GALNT18: variants seen among roughly 807,000 people sequenced by gnomAD.
GALNT18 encodes polypeptide N-acetylgalactosaminyltransferase 18.
GALNT18 carries 44 observed loss-of-function variants against 69.5 expected under a neutral mutation model. That is an observed-to-expected ratio of 0.63 (90% CI 0.50 to 0.81). The LOEUF (loss-of-function observed/expected upper bound fraction) is 0.81, where lower values mean the gene tolerates loss of function less well. GALNT18 is among the 40% of genes least tolerant of loss of function. The pLI, the probability that GALNT18 is intolerant of heterozygous loss-of-function variation, is 0.00. For synonymous variants in GALNT18, 364 were observed against 318.2 expected (o/e 1.14, Z -1.53); for missense variants, 715 against 810.0 (o/e 0.88, Z 1.42).
rs1040244980 is a variant in GALNT18, at chr11:11,582,171, C to T, written c.235+39188G>A. 6.6e-6 allele frequency among the ~76,000 whole-genome samples: 1 copy of T among 152,052 alleles called. No individual in the cohort carries two copies. The highest frequency in any genetic ancestry group is 2.1e-4 in the South Asian group (1 of 4,796). Reference sequence around the variant, plus strand: ...CTGAACAAAGTGAAGAGGGCATTCCCGAAAGAGGAAAGAGCAGGCAAAGGC... The same window carrying T: ...CTGAACAAAGTGAAGAGGGCATTCCTGAAAGAGGAAAGAGCAGGCAAAGGC... On this transcript the variant is annotated intron_variant, in intron 1 of 10. Coordinates refer to ENST00000227756, the MANE Select transcript of GALNT18 (RefSeq NM_198516.3). The surrounding 1 kb of genome is among the most constrained non-coding windows in gnomAD (Gnocchi z 5.0).
At position 11,310,746 on chromosome 11, in the gene GALNT18, G is replaced by A. The variant is rs141275274; in HGVS notation, c.1512+16340C>T. ...ACTCCACCAAAGCTCTACCCGGGCA[G>A]GGCTAATGCAGAGCAACAAACCGAT... On this transcript the variant is annotated intron_variant, in intron 9 of 10. Coordinates refer to ENST00000227756, the MANE Select transcript of GALNT18 (RefSeq NM_198516.3). Among the ~76,000 whole-genome samples the A allele has an allele frequency of 2.6e-3, 394 of 152,298 alleles. 5 individuals are homozygous for A. Among genetic ancestry groups the A allele is most frequent in the African/African-American group, 9.1e-3 (377 of 41,556 alleles).
intron 1 of GALNT18, among the ~76,000 whole-genome samples, chr11:11,547,520 CACAA>C (rs1858086484): frequency 6.6e-6 from 1 of 152,220 alleles, no homozygotes; most frequent in Non-Finnish European, 1.5e-5. Context: ...CGTCCCTCCC[CACAA>C]ACAAAGGAAG....
In GALNT18 at chr11:11,613,849, C is replaced by T. The variant is rs1859975246; in HGVS notation, c.235+7510G>A. Among the ~76,000 whole-genome samples the T allele has an allele frequency of 3.3e-5, 5 of 152,216 alleles. No homozygotes were observed. On this transcript the variant is annotated intron_variant, in intron 1 of 10. Transcript: ENST00000227756. This position sits in a 1 kb window ranked among gnomAD's most constrained non-coding sequence, Gnocchi z 4.2. ...CTTGAGTGTCATCCAACTTGTATGG[C>T]TTCTGCCCTTCCGCTTCATGCATAA...
chr11:11,314,157 C>G lies in GALNT18; in HGVS notation c.1512+12929G>C, dbSNP rs1203598095. On this transcript the variant is annotated intron_variant, in intron 9 of 10. Coordinates refer to ENST00000227756, the MANE Select transcript of GALNT18 (RefSeq NM_198516.3). This position sits in a 1 kb window ranked among gnomAD's most constrained non-coding sequence, Gnocchi z 5.2. ...CCCAAGGCCAGAGAGGCCTGGGAAGCAAGACTGTCCAAAGAACGGTGGGTG... is the reference window on the plus strand; with the variant it reads ...CCCAAGGCCAGAGAGGCCTGGGAAGGAAGACTGTCCAAAGAACGGTGGGTG... Among the ~76,000 whole-genome samples, 1 of 152,138 alleles carries G rather than the reference C, an allele frequency of 6.6e-6. No individual in the cohort carries two copies. Among genetic ancestry groups the G allele is most frequent in the Non-Finnish European group, 1.5e-5 (1 of 68,026 alleles).
At chr11:11,554,530 T>C (rs190985096) in intron 1 of GALNT18, among the ~76,000 whole-genome samples, 1 of 152,340 alleles carries the variant, frequency 6.6e-6, no homozygotes. Context: ...ATGAAATTCA[T>C]TTAAGACACC....
rs1350200356 is a variant in GALNT18, at chr11:11,619,512, G to A, written c.235+1847C>T. Reference sequence around the variant, plus strand: ...TCCGTTACAGGCTCAGGGGTTAATGGCATCCCCTGAAAGCATCCCCAAAGC... The same window carrying A: ...TCCGTTACAGGCTCAGGGGTTAATGACATCCCCTGAAAGCATCCCCAAAGC... On this transcript the variant is annotated intron_variant, in intron 1 of 10. Transcript: ENST00000227756. The surrounding 1 kb of genome is among the most constrained non-coding windows in gnomAD (Gnocchi z 4.9). 6.6e-6 allele frequency among the ~76,000 whole-genome samples: 1 copy of A among 152,004 alleles called. No individual in the cohort carries two copies. Among genetic ancestry groups the A allele is most frequent in the Admixed American group, 6.6e-5 (1 of 15,264 alleles).
intron 3 of GALNT18, among the ~76,000 whole-genome samples, chr11:11,406,617 T>C (rs558470638): frequency 6.6e-6 from 1 of 152,306 alleles, no homozygotes; most frequent in African/African-American, 2.4e-5. Flanking sequence ...AAGGCAAAGT[T>C]GAACACCAGG....
At position 11,484,010 on chromosome 11, in the gene GALNT18, G is replaced by A. The variant is rs114463508; in HGVS notation, c.236-35074C>T. On this transcript the variant is annotated intron_variant, in intron 1 of 10. Transcript: ENST00000227756. ...GGGTCCAATGTGTAACCCCCTCCCC[G>A]GAAGGACACAGCACCTACTCTGTGC... Among the ~76,000 whole-genome samples the A allele has an allele frequency of 3.9e-3, 589 of 152,156 alleles. 4 individuals are homozygous for A. Among genetic ancestry groups the A allele is most frequent in the African/African-American group, 0.014 (564 of 41,516 alleles).
intron 3 of GALNT18, among the ~76,000 whole-genome samples, chr11:11,386,014 A>C (rs1854048865): frequency 6.6e-6 from 1 of 152,190 alleles, no homozygotes; most frequent in African/African-American, 2.4e-5. Flanking sequence ...AAAGATGGCC[A>C]GCAAAGCACC....
intron 3 of GALNT18, among the ~76,000 whole-genome samples, chr11:11,408,309 G>A (rs1443405612): frequency 1.4e-5 from 2 of 142,932 alleles, no homozygotes; most frequent in African/African-American, 2.6e-5. Context: ...AGGCTGCAGT[G>A]AGCCAAGATC....
At chr11:11,559,356 T>C (rs1333612730) in intron 1 of GALNT18, among the ~76,000 whole-genome samples, 1 of 152,208 alleles carries the variant, frequency 6.6e-6, no homozygotes, top group African/African-American at 2.4e-5. Context: ...AGTCTCTCCA[T>C]CTACTGTTTC....
intron 2 of GALNT18, among the ~76,000 whole-genome samples, chr11:11,438,835 A>G (rs1855469154): frequency 6.6e-6 from 1 of 152,132 alleles, no homozygotes; most frequent in African/African-American, 2.4e-5. Context: ...GACAAATACG[A>G]TCAACACTAC....
intron 3 of GALNT18, among the ~76,000 whole-genome samples, chr11:11,395,027 C>A (rs1854294344): frequency 6.6e-6 from 1 of 152,226 alleles, no homozygotes; most frequent in South Asian, 2.1e-4. Context: ...CGGTATAAGG[C>A]AAAGTTGATC....
At chr11:11,378,230 C>A (rs1411252213) in intron 4 of GALNT18, among the ~76,000 whole-genome samples, 1 of 152,232 alleles carries the variant, frequency 6.6e-6, no homozygotes, top group Non-Finnish European at 1.5e-5. Flanking sequence ...GCTGCTCCTT[C>A]CTGCTGAAGT....
chr11:11,558,626 A>C (rs1858390650), intron 1 of GALNT18, among the ~76,000 whole-genome samples: 2 of 152,244 alleles, frequency 1.3e-5, no homozygotes, highest in South Asian at 4.1e-4. Flanking sequence ...GCCCAGGCTC[A>C]GAGTTTCCTG....
At chr11:11,281,903 T>A (rs1445982825) in intron 10 of GALNT18, among the ~76,000 whole-genome samples, 1 of 151,682 alleles carries the variant, frequency 6.6e-6, no homozygotes, top group Non-Finnish European at 1.5e-5. Flanking sequence ...GAGAGCTCCC[T>A]CCCTGGAGGC....
intron 1 of GALNT18, among the ~76,000 whole-genome samples, chr11:11,481,934 T>C (rs916295726): frequency 1.3e-5 from 2 of 152,246 alleles, no homozygotes; most frequent in African/African-American, 4.8e-5. Flanking sequence ...CTTAAATACA[T>C]TTCTTTGAAT....
chr11:11,296,852 T>C (rs4567449), intron 9 of GALNT18, among the ~76,000 whole-genome samples: 53,348 of 152,018 alleles, frequency 0.35, 9,510 homozygotes, highest in Admixed American at 0.38. Flanking sequence ...AAAGAGGATT[T>C]TCTCAAGTCC....
intron 1 of GALNT18, among the ~76,000 whole-genome samples, chr11:11,514,415 C>T (rs1292511148): frequency 6.6e-6 from 1 of 152,218 alleles, no homozygotes; most frequent in Admixed American, 6.5e-5. Context: ...GAGCACTCCC[C>T]TTGTAATGAC....
Sources: gnomAD v4.1 joint callset for allele counts (sites outside exome capture counted in the v4.1 genomes callset) on GRCh38, gnomAD v4.1.1 for gene constraint, Gnocchi (gnomAD v3.1) non-coding constraint, MANE v1.5 for transcripts, NCBI Gene and HGNC (gene_info 2026-07-23, HGNC 2026-07-21) for gene names.